The following ACOT7 variants were observed in gnomAD, a reference collection of about 807,000 sequenced individuals.
The protein encoded by ACOT7 is acyl-CoA thioesterase 7, also known as cytosolic acyl coenzyme A thioester hydrolase.
In ACOT7, 12 loss-of-function variants were observed where a neutral mutation model predicts 40.2. The observed-to-expected ratio is 0.30, with a 90% CI of 0.19 to 0.48. The LOEUF (loss-of-function observed/expected upper bound fraction) is 0.48. ACOT7 is among the 20% of genes least tolerant of loss of function. ACOT7 has a pLI of 0.99. For missense variants in ACOT7, 395 were observed against 530.8 expected (o/e 0.74, Z 2.51); for synonymous variants, 228 against 219.5 (o/e 1.04, Z -0.34).
Position 6,311,233 on chromosome 1 carries a change from C to T in ACOT7, c.712+7259G>A, listed in dbSNP as rs1000310156. ...AGCAGAGTTAGTTTTTACTCAGAGC[C>T]GATGTGATCAGTAAACGTTGAGGTT... On this transcript the variant is annotated intron_variant, in intron 6 of 8. Transcript: ENST00000361521. This position sits in a 1 kb window ranked among gnomAD's most constrained non-coding sequence, Gnocchi z 5.2. 6.6e-6 allele frequency among the ~76,000 whole-genome samples: 1 copy of T among 152,160 alleles called. No individual in the cohort carries two copies. The highest frequency in any genetic ancestry group is 2.4e-5 in the African/African-American group (1 of 41,436).
intron 6 of ACOT7, among the ~76,000 whole-genome samples, chr1:6,314,754 AACTGCACGC>A (rs1640434773): frequency 6.6e-6 from 1 of 152,130 alleles, no homozygotes; most frequent in African/African-American, 2.4e-5. Flanking sequence ...TTCAACCCAG[AACTGCACGC>A]ACACCACCAA....
rs1642565096 is a variant in ACOT7 at position 6,393,281 on chromosome 1, G to T, written c.119C>A (p.Thr40Lys). The change falls in exon 1 of 9, where the codon ACG becomes AAG. Residue 40 changes from threonine (T) to lysine (K), a missense_variant. Thr to Lys is a moderately conservative substitution (Grantham distance 78, BLOSUM62 -1). Coordinates refer to ENST00000361521, the MANE Select transcript of ACOT7 (RefSeq NM_007274.4). ...CCGGCAGATCTGGATGGCGGACGGCGTCTCGACGTCTGGGCCCGACATGCT... is the reference window on the plus strand; with the variant it reads ...CCGGCAGATCTGGATGGCGGACGGCTTCTCGACGTCTGGGCCCGACATGCT... Reference protein sequence around the residue: ...APSMSGPDVETPSAIQICRIM... With the variant: ...APSMSGPDVEKPSAIQICRIM... 15 of 1,283,836 alleles carry T rather than the reference G, an allele frequency of 1.2e-5. No homozygotes were observed. Among genetic ancestry groups the T allele is most frequent in the Non-Finnish European group, 1.5e-5 (15 of 1,014,886 alleles). 79.5% of individuals were successfully genotyped at this position (1,283,836 alleles called of 1,614,324 possible). A position where few individuals can be genotyped will look rare whatever the true frequency, so the allele number is the denominator to read the frequency against.
chr1:6,290,088 G>C (rs746332221), intron 7 of ACOT7, among the ~76,000 whole-genome samples: 23 of 152,282 alleles, frequency 1.5e-4, no homozygotes, highest in Non-Finnish European at 2.5e-4. Flanking sequence ...TCAGCACGAG[G>C]GGGGGAATGG....
At chr1:6,357,548 G>A (rs761112) in intron 1 of ACOT7, among the ~76,000 whole-genome samples, 7,380 of 152,348 alleles carry the variant, frequency 0.048, 234 homozygotes, top group African/African-American at 0.08. Context: ...ACTGTCCCCA[G>A]TCATAGGGCT....
At chr1:6,354,571 C>T (rs1036022957) in intron 1 of ACOT7, among the ~76,000 whole-genome samples, 3 of 152,184 alleles carry the variant, frequency 2.0e-5, no homozygotes, top group Non-Finnish European at 4.4e-5. Flanking sequence ...AGGAACCACA[C>T]AATCAGACAC....
intron 8 of ACOT7, among the ~76,000 whole-genome samples, chr1:6,267,686 T>A (rs1047525097): frequency 6.6e-6 from 1 of 152,228 alleles, no homozygotes; most frequent in Non-Finnish European, 1.5e-5. Flanking sequence ...TGGCCAGGGA[T>A]CCCTTTCATA....
At chr1:6,286,082 G>T (rs892847995) in intron 7 of ACOT7, among the ~76,000 whole-genome samples, 5 of 152,224 alleles carry the variant, frequency 3.3e-5, no homozygotes, top group African/African-American at 9.6e-5. Flanking sequence ...GGAGGGCTCT[G>T]TGGGGTCAAA....
At chr1:6,267,281 C>A (rs1485889941) in intron 8 of ACOT7, among the ~76,000 whole-genome samples, 2 of 152,238 alleles carry the variant, frequency 1.3e-5, no homozygotes, top group African/African-American at 2.4e-5. Flanking sequence ...GAGTCCCCAG[C>A]CACATGCTCT....
chr1:6,366,039 C>T (rs2148470058), intron 1 of ACOT7, among the ~76,000 whole-genome samples: 1 of 151,882 alleles, frequency 6.6e-6, no homozygotes, highest in South Asian at 2.1e-4. Flanking sequence ...GGATTACAGG[C>T]ACGCGTCACC....
At chr1:6,343,982 G>T (rs541292194) in intron 2 of ACOT7, among the ~76,000 whole-genome samples, 1 of 152,230 alleles carries the variant, frequency 6.6e-6, no homozygotes, top group East Asian at 1.9e-4. Flanking sequence ...GCCACGCCAC[G>T]ATGGGGACAG....
intron 1 of ACOT7, among the ~76,000 whole-genome samples, chr1:6,371,731 C>T (rs963561872): frequency 6.6e-6 from 1 of 152,078 alleles, no homozygotes; most frequent in African/African-American, 2.4e-5. Flanking sequence ...CTTCTTTCAA[C>T]AGAAAGCTGT....
intron 6 of ACOT7, among the ~76,000 whole-genome samples, chr1:6,307,931 G>A (rs1249523118): frequency 7.3e-5 from 11 of 151,712 alleles, no homozygotes; most frequent in Non-Finnish European, 1.6e-4. Context: ...CAAACAGGCA[G>A]AGGGAACCAC....
rs933787359 is a variant in ACOT7 at position 6,393,589 on chromosome 1, C to T, written c.-190G>A. On this transcript the variant is annotated 5_prime_UTR_variant, in exon 1 of 9. Coordinates refer to ENST00000361521, the MANE Select transcript of ACOT7 (RefSeq NM_007274.4). The stretch of plus-strand genomic sequence containing the variant: ...GATTCTGGCGGCGTGGGGGCCCAGG[C>T]AGCCGCCGCTTCCAGAAGGTTCGGT... The T allele has an allele frequency of 6.9e-5, 29 of 417,590 alleles. 1 individual carries two copies. The Admixed American group carries it at 8.3e-4, about 12-fold the overall frequency. The allele number at this position is 417,590 out of a possible 1,614,324, so 25.9% of individuals were successfully genotyped here.
Position 6,301,492 on chromosome 1 carries a change from G to A in ACOT7, c.713-6512C>T, listed in dbSNP as rs1032695847. Reference sequence around the variant, plus strand: ...CCCCATGCTCCTGCAGGCTCCACACGGCACCCCCAGACCACACTGCATGAT... The same window carrying A: ...CCCCATGCTCCTGCAGGCTCCACACAGCACCCCCAGACCACACTGCATGAT... On this transcript the variant is annotated intron_variant, in intron 6 of 8. Coordinates refer to ENST00000361521, the MANE Select transcript of ACOT7 (RefSeq NM_007274.4). The surrounding 1 kb of genome is among the most constrained non-coding windows in gnomAD (Gnocchi z 4.1). Among the ~76,000 whole-genome samples, 2 of 152,086 alleles carry A rather than the reference G, an allele frequency of 1.3e-5. No individual in the cohort carries two copies. The highest frequency in any genetic ancestry group is 1.9e-4 in the East Asian group (1 of 5,184).
At chr1:6,305,648 G>A (rs1478594114) in intron 6 of ACOT7, among the ~76,000 whole-genome samples, 19 of 149,332 alleles carry the variant, frequency 1.3e-4, no homozygotes, top group African/African-American at 4.3e-4. Context: ...GGGCAGAGAC[G>A]CTCCTCACTT....
At chr1:6,316,235 G>A (rs571421046) in intron 6 of ACOT7, among the ~76,000 whole-genome samples, 3 of 152,340 alleles carry the variant, frequency 2.0e-5, no homozygotes, top group South Asian at 4.1e-4. Context: ...AGGCTCGGAA[G>A]AGGGAGCTGA....
chr1:6,362,297 G>C (rs935413071), intron 1 of ACOT7, among the ~76,000 whole-genome samples: 1 of 152,152 alleles, frequency 6.6e-6, no homozygotes, highest in Non-Finnish European at 1.5e-5. Context: ...CGGGCATGGT[G>C]GTGGGCGCCT....
At position 6,299,718 on chromosome 1, in the gene ACOT7, G is replaced by T. The variant is rs969684885; in HGVS notation, c.713-4738C>A. 1.3e-5 allele frequency among the ~76,000 whole-genome samples: 2 copies of T among 152,018 alleles called. No individual in the cohort carries two copies. The highest frequency in any genetic ancestry group is 3.9e-4 in the East Asian group (2 of 5,164). ...GGGCACGTGTGTGCGTGTGTTTAAG[G>T]GGCTTAGTAGCGGCAGAGCTGCAGC... On this transcript the variant is annotated intron_variant, in intron 6 of 8. Coordinates refer to ENST00000361521, the MANE Select transcript of ACOT7 (RefSeq NM_007274.4). This position sits in a 1 kb window ranked among gnomAD's most constrained non-coding sequence, Gnocchi z 4.1.
rs1641811528 is a variant in ACOT7 at position 6,358,530 on chromosome 1, G to A, written c.144-8664C>T. Among the ~76,000 whole-genome samples, 1 of 152,208 alleles carries A rather than the reference G, an allele frequency of 6.6e-6. No homozygotes were observed. Among genetic ancestry groups the A allele is most frequent in the Non-Finnish European group, 1.5e-5 (1 of 68,024 alleles). ...GGAGCAAGGCTGGAAAGAAAACCAG[G>A]TGCCTTCCTCCCTGGGGACTAGAGC... is the stretch of plus-strand genomic sequence containing the variant. On this transcript the variant is annotated intron_variant, in intron 1 of 8. Transcript: ENST00000361521. This position sits in a 1 kb window ranked among gnomAD's most constrained non-coding sequence, Gnocchi z 4.1.
Sources: gnomAD v4.1 joint callset for allele counts (sites outside exome capture counted in the v4.1 genomes callset) on GRCh38, gnomAD v4.1.1 for gene constraint, Gnocchi (gnomAD v3.1) non-coding constraint, MANE v1.5 for transcripts, NCBI Gene and HGNC (gene_info 2026-07-23, HGNC 2026-07-21) for gene names.